Variants in CTTNBP2NL observed in about 807,000 individuals in gnomAD.
The protein encoded by CTTNBP2NL is CTTNBP2 N-terminal like, also known as CTTNBP2 N-terminal-like protein.
CTTNBP2NL carries 16 observed loss-of-function variants against 32.5 expected under a neutral mutation model. That is an observed-to-expected ratio of 0.49 (90% CI 0.33 to 0.75). The LOEUF (loss-of-function observed/expected upper bound fraction) is 0.75. Among genes scored for constraint, CTTNBP2NL ranks in the 30% least tolerant of loss-of-function variants. The pLI is 0.02. For missense variants in CTTNBP2NL, 645 were observed against 756.0 expected (o/e 0.85, Z 1.72); for synonymous variants, 298 against 289.4 (o/e 1.03, Z -0.30).
At chr1:112,432,313 G>T (rs1649591917) in intron 3 of CTTNBP2NL, among the ~76,000 whole-genome samples, 1 of 151,842 alleles carries the variant, frequency 6.6e-6, no homozygotes, top group African/African-American at 2.4e-5. Context: ...CGCCTGCCTT[G>T]GCCTCCCAAA....
intron 3 of CTTNBP2NL, among the ~76,000 whole-genome samples, chr1:112,439,659 G>A (rs1400865172): frequency 6.6e-6 from 1 of 152,152 alleles, no homozygotes; most frequent in Non-Finnish European, 1.5e-5. Context: ...AGTTCATAGG[G>A]TTAACTTTAA....
intron 1 of CTTNBP2NL, among the ~76,000 whole-genome samples, chr1:112,404,825 G>A (rs535233086): frequency 1.6e-3 from 246 of 152,318 alleles, no homozygotes; most frequent in African/African-American, 5.5e-3. Flanking sequence ...GCCGAGGTGG[G>A]CGGGTCACTT....
intron 4 of CTTNBP2NL, among the ~76,000 whole-genome samples, chr1:112,450,096 T>C (rs1354854697): frequency 6.6e-6 from 1 of 152,158 alleles, no homozygotes; most frequent in Non-Finnish European, 1.5e-5. Flanking sequence ...ATCTGAAAAA[T>C]AGGGTTAGCA....
chr1:112,433,322 G>A (rs114341389), intron 3 of CTTNBP2NL, among the ~76,000 whole-genome samples: 1,815 of 152,222 alleles, frequency 0.012, 40 homozygotes, highest in African/African-American at 0.042. Flanking sequence ...GGCTGGGCGC[G>A]GTGGCTGACG....
chr1:112,456,934 G>A lies in CTTNBP2NL; in HGVS notation c.1442G>A (p.Ser481Asn). ...DQDQQASGLQ[S>N]PPSRDLSPTL... ...GACCAACAAGCCAGTGGCCTACAGA[G>A]CCCTCCATCCAGGGATTTATCCCCC... The change falls in exon 6 of 6, where the codon AGC (serine) becomes AAC (asparagine). Residue 481 changes from serine to asparagine, a missense_variant. Physicochemically the swap from Ser to Asn is conservative, Grantham distance 46. Coordinates refer to ENST00000271277, the MANE Select transcript of CTTNBP2NL (RefSeq NM_018704.3). The A allele has an allele frequency of 6.2e-7, 1 of 1,614,078 alleles. No individual in the cohort carries two copies. The highest frequency in any genetic ancestry group is 8.5e-7 in the Non-Finnish European group (1 of 1,180,016).
chr1:112,410,262 C>T (rs868393111), intron 1 of CTTNBP2NL, among the ~76,000 whole-genome samples: 1 of 151,998 alleles, frequency 6.6e-6, no homozygotes, highest in African/African-American at 2.4e-5. Context: ...CATGGTGGCG[C>T]ATGCCTATAA....
At chr1:112,425,244 G>T (rs578037037) in intron 3 of CTTNBP2NL, among the ~76,000 whole-genome samples, 3 of 152,118 alleles carry the variant, frequency 2.0e-5, no homozygotes, top group Non-Finnish European at 4.4e-5. Flanking sequence ...GCTGAGGCAG[G>T]CAGATCACCT....
rs1650444569 is a variant in CTTNBP2NL, at chr1:112,458,397, A to T, written c.*985A>T. 6.6e-6 allele frequency: 1 copy of T among 152,668 alleles called. No homozygotes were observed. The highest frequency in any genetic ancestry group is 1.5e-5 in the Non-Finnish European group (1 of 68,046). 9.5% of individuals were successfully genotyped at this position (152,668 alleles called of 1,614,324 possible). A position where few individuals can be genotyped will look rare whatever the true frequency, so the allele number is the denominator to read the frequency against. The stretch of plus-strand genomic sequence containing the variant: ...CAAGCTGCCAGAACCTGGTATCTGT[A>T]TCTGTAAAACCAAATTAACTTTTGC... On this transcript the variant is annotated 3_prime_UTR_variant, in exon 6 of 6. Transcript: ENST00000271277.
At chr1:112,449,272 G>A in intron 4 of CTTNBP2NL, 100 bp downstream of exon 4, 1 of 667,060 alleles carries the variant, frequency 1.5e-6, no homozygotes, top group Non-Finnish European at 2.6e-6. Context: ...TAATTCAATT[G>A]GGACATCTCA....
rs952996447 is a variant in CTTNBP2NL, at chr1:112,460,607, A to G, written c.*3195A>G. 1.3e-5 allele frequency: 2 copies of G among 152,198 alleles called. No individual in the cohort carries two copies. Among genetic ancestry groups the G allele is most frequent in the African/African-American group, 4.8e-5 (2 of 41,444 alleles). 9.4% of individuals were successfully genotyped at this position (152,198 alleles called of 1,614,324 possible). A position where few individuals can be genotyped will look rare whatever the true frequency, so the allele number is the denominator to read the frequency against. ...CCCTGAAGCCATCCATGGCTCATGTATTTCTGCTTAAGAAAGCATAATCTT... is the reference window on the plus strand; with the variant it reads ...CCCTGAAGCCATCCATGGCTCATGTGTTTCTGCTTAAGAAAGCATAATCTT... On this transcript the variant is annotated 3_prime_UTR_variant, in exon 6 of 6. Transcript: ENST00000271277.
rs901904702 is a variant in CTTNBP2NL at position 112,457,593 on chromosome 1, A to G, written c.*181A>G. 5.5e-5 allele frequency: 31 copies of G among 568,324 alleles called. No homozygotes were observed. Among genetic ancestry groups the G allele is most frequent in the Non-Finnish European group, 8.0e-5 (27 of 338,370 alleles). 35.2% of individuals were successfully genotyped at this position (568,324 alleles called of 1,614,324 possible). A position where few individuals can be genotyped will look rare whatever the true frequency, so the allele number is the denominator to read the frequency against. The stretch of plus-strand genomic sequence containing the variant: ...TAGAAACTGAGTAGTTTGGATTTTT[A>G]TGGCTCACATCTTTTTACTGAAGCC... On this transcript the variant is annotated 3_prime_UTR_variant, in exon 6 of 6. Coordinates refer to ENST00000271277, the MANE Select transcript of CTTNBP2NL (RefSeq NM_018704.3).
chr1:112,450,245 C>T (rs146024232), intron 4 of CTTNBP2NL, among the ~76,000 whole-genome samples: 93 of 152,284 alleles, frequency 6.1e-4, no homozygotes, highest in African/African-American at 2.2e-3. Flanking sequence ...AATGAAAGGC[C>T]AGAGTGGAAC....
intron 3 of CTTNBP2NL, among the ~76,000 whole-genome samples, chr1:112,424,911 G>A (rs1649346782): frequency 6.6e-6 from 1 of 151,878 alleles, no homozygotes; most frequent in East Asian, 1.9e-4. Flanking sequence ...CAAGCCCCAG[G>A]CTCAAGTGAT....
upstream of CTTNBP2NL, among the ~76,000 whole-genome samples, chr1:112,395,646 T>C (rs1648295795): frequency 6.6e-6 from 1 of 152,052 alleles, no homozygotes; most frequent in South Asian, 2.1e-4. Flanking sequence ...CTGTACAAAA[T>C]GTGGTTGAGA....
At chr1:112,404,273 T>C (rs891537210) in intron 1 of CTTNBP2NL, among the ~76,000 whole-genome samples, 1 of 152,208 alleles carries the variant, frequency 6.6e-6, no homozygotes, top group African/African-American at 2.4e-5. Flanking sequence ...TGATACTCAA[T>C]TGTTAAATTT....
At chr1:112,415,338 GA>G (rs1200093232) in intron 2 of CTTNBP2NL, among the ~76,000 whole-genome samples, 1 of 152,094 alleles carries the variant, frequency 6.6e-6, no homozygotes, top group African/African-American at 2.4e-5. Flanking sequence ...CAATTTAAAA[GA>G]AAAATTTCTC....
At chr1:112,438,448 G>T (rs1321682168) in intron 3 of CTTNBP2NL, among the ~76,000 whole-genome samples, 1 of 152,158 alleles carries the variant, frequency 6.6e-6, no homozygotes, top group Non-Finnish European at 1.5e-5. Context: ...TTTGGGCTGA[G>T]ACCATGGGGT....
intron 2 of CTTNBP2NL, among the ~76,000 whole-genome samples, chr1:112,412,832 T>C (rs144589823): frequency 0.017 from 2,584 of 152,172 alleles, 74 homozygotes; most frequent in African/African-American, 0.059. Flanking sequence ...TTGGCCAGGC[T>C]GGTCTTAAAC....
rs141033936 is a variant in CTTNBP2NL at position 112,405,568 on chromosome 1, G to C, written c.-133-6626G>C. ...CTGCCTCGGCATTCCAAAGTGCTGG[G>C]ATTACATGCGTGAGCCGCTGCACCC... is the stretch of plus-strand genomic sequence containing the variant. On this transcript the variant is annotated intron_variant, in intron 1 of 5. Coordinates refer to ENST00000271277, the MANE Select transcript of CTTNBP2NL (RefSeq NM_018704.3). Among the ~76,000 whole-genome samples the C allele has an allele frequency of 7.0e-3, 1,064 of 152,246 alleles. 10 individuals are homozygous for C. Among genetic ancestry groups the C allele is most frequent in the African/African-American group, 0.025 (1,020 of 41,560 alleles).
Sources: allele counts gnomAD v4.1 joint callset (sites outside exome capture counted in the v4.1 genomes callset), GRCh38; gene constraint gnomAD v4.1.1; transcripts MANE v1.5; gene names NCBI Gene and HGNC (gene_info 2026-07-23, HGNC 2026-07-21).